The following GPC5 variants were observed in gnomAD, a reference collection of about 807,000 sequenced individuals.
The protein encoded by GPC5 is glypican-5.
In GPC5, 47 loss-of-function variants were observed where a neutral mutation model predicts 53.9. The observed-to-expected ratio is 0.87, with a 90% confidence interval of 0.69 to 1.11. GPC5 has a LOEUF of 1.11. Ranked by LOEUF, GPC5 falls within the 50% of genes most tolerant of loss-of-function variation. GPC5 has a pLI of 0.00. For synonymous variants in GPC5, 286 were observed against 263.3 expected (o/e 1.09, Z -0.84); for missense variants, 748 against 713.1 (o/e 1.05, Z -0.56).
At chr13:91,803,687 T>G (rs1195895261) in intron 5 of GPC5, among the ~76,000 whole-genome samples, 2 of 152,156 alleles carry the variant, frequency 1.3e-5, no homozygotes, top group Non-Finnish European at 2.9e-5. Context: ...AAATTAATTT[T>G]TAAATTAATT....
chr13:92,073,351 A>C (rs1380889548), intron 6 of GPC5, among the ~76,000 whole-genome samples: 13 of 152,200 alleles, frequency 8.5e-5, no homozygotes, highest in African/African-American at 3.1e-4. Flanking sequence ...GAACCCAATA[A>C]GCTTTCTTTT....
chr13:92,683,076 G>A (rs1170413900), intron 7 of GPC5, among the ~76,000 whole-genome samples: 3 of 152,192 alleles, frequency 2.0e-5, no homozygotes, highest in Non-Finnish European at 2.9e-5. Flanking sequence ...GCAGTATTTA[G>A]TGTCTAGACT....
intron 7 of GPC5, among the ~76,000 whole-genome samples, chr13:92,300,495 A>T (rs543068001): frequency 1.3e-5 from 2 of 152,206 alleles, no homozygotes; most frequent in Non-Finnish European, 2.9e-5. Context: ...TTCAGGCACT[A>T]TGCTAACCTA....
rs1483471408 is a variant in GPC5 at position 92,047,048 on chromosome 13, T to A, written c.1402-97782T>A. ...ATTTTTCCTCCCTAGCACAGAGAAT[T>A]CAATTTTCAAATAAGAACACATAGT... On this transcript the variant is annotated intron_variant, in intron 6 of 7. Transcript: ENST00000377067. Among the ~76,000 whole-genome samples the A allele has an allele frequency of 2.0e-5, 3 of 152,140 alleles. No individual in the cohort carries two copies. In the East Asian group the frequency reaches 5.8e-4, roughly 29 times the overall value.
intron 7 of GPC5, among the ~76,000 whole-genome samples, chr13:92,632,675 A>G (rs866965835): frequency 3.9e-5 from 6 of 152,050 alleles, no homozygotes; most frequent in Admixed American, 1.3e-4. Context: ...TTTTTCAAAT[A>G]TATCTGTGAT....
chr13:92,092,020 T>TAG (rs2041385220), intron 6 of GPC5, among the ~76,000 whole-genome samples: 1 of 151,932 alleles, frequency 6.6e-6, no homozygotes, highest in Non-Finnish European at 1.5e-5. Flanking sequence ...TATCTATCTA[T>TAG]CTAGCTAGCT....
At chr13:91,607,775 A>C (rs1035503569) in intron 2 of GPC5, among the ~76,000 whole-genome samples, 5 of 152,216 alleles carry the variant, frequency 3.3e-5, no homozygotes, top group African/African-American at 1.2e-4. Context: ...GGAAATCCAC[A>C]GTTCATGTTC....
chr13:92,444,757 T>C (rs1002709890), intron 7 of GPC5, among the ~76,000 whole-genome samples: 1 of 126,286 alleles, frequency 7.9e-6, no homozygotes, highest in Middle Eastern at 4.5e-3. Flanking sequence ...ACTTAAGGGA[T>C]GGGTAGAGAA....
intron 7 of GPC5, among the ~76,000 whole-genome samples, chr13:92,267,542 G>A (rs1052882663): frequency 2.0e-5 from 3 of 152,018 alleles, no homozygotes; most frequent in Non-Finnish European, 4.4e-5. Context: ...TCATTATACA[G>A]TTTCCAAATC....
chr13:92,764,255 T>C (rs11838810), intron 7 of GPC5, among the ~76,000 whole-genome samples: 31,392 of 152,158 alleles, frequency 0.21, 3,401 homozygotes, highest in Middle Eastern at 0.28. Flanking sequence ...ACTGGCTTAG[T>C]GAAGGCTGGC....
At chr13:92,764,224 C>T (rs1006600944) in intron 7 of GPC5, among the ~76,000 whole-genome samples, 5 of 152,282 alleles carry the variant, frequency 3.3e-5, no homozygotes, top group East Asian at 1.9e-4. Flanking sequence ...ATTGACCTCA[C>T]GAGGTAGGGC....
intron 7 of GPC5, among the ~76,000 whole-genome samples, chr13:92,816,149 C>T (rs578225805): frequency 1.3e-5 from 2 of 152,106 alleles, no homozygotes; most frequent in Admixed American, 1.3e-4. Context: ...AAATTGCTCA[C>T]ATTCAAGAGG....
At chr13:92,203,446 A>T (rs1267347375) in intron 7 of GPC5, among the ~76,000 whole-genome samples, 1 of 122,470 alleles carries the variant, frequency 8.2e-6, no homozygotes, top group African/African-American at 3.2e-5. Context: ...ATGAGATCAC[A>T]TGGACACAGG....
chr13:92,704,239 C>T (rs907949952), intron 7 of GPC5, among the ~76,000 whole-genome samples: 22 of 151,930 alleles, frequency 1.4e-4, no homozygotes, highest in South Asian at 2.1e-4. Flanking sequence ...CTCTCCAATG[C>T]AACAAACATA....
intron 2 of GPC5, among the ~76,000 whole-genome samples, chr13:91,593,683 G>A (rs541447758): frequency 6.6e-6 from 1 of 152,116 alleles, no homozygotes; most frequent in Non-Finnish European, 1.5e-5. Flanking sequence ...TGAGTGTTGA[G>A]AGAAATGATG....
intron 7 of GPC5, among the ~76,000 whole-genome samples, chr13:92,478,747 C>T (rs188978846): frequency 5.3e-4 from 81 of 152,298 alleles, no homozygotes; most frequent in African/African-American, 1.8e-3. Context: ...CATAAAGAGT[C>T]CCACCGCAGG....
intron 6 of GPC5, among the ~76,000 whole-genome samples, chr13:92,131,729 G>A (rs2041745137): frequency 1.3e-5 from 2 of 151,510 alleles, no homozygotes; most frequent in South Asian, 4.2e-4. Context: ...AGGTTTATGG[G>A]GTATTTCTAA....
intron 7 of GPC5, among the ~76,000 whole-genome samples, chr13:92,408,017 T>C (rs1875869102): frequency 6.6e-6 from 1 of 152,218 alleles, no homozygotes; most frequent in East Asian, 1.9e-4. Flanking sequence ...CAAGTGGAAC[T>C]GATCCGTGGC....
chr13:91,655,951 T>C (rs1347145402), intron 2 of GPC5, among the ~76,000 whole-genome samples: 1 of 152,122 alleles, frequency 6.6e-6, no homozygotes, highest in Non-Finnish European at 1.5e-5. Context: ...ACCAGAGCCC[T>C]GAATAAACAG....
Sources: gnomAD v4.1 joint callset for allele counts (sites outside exome capture counted in the v4.1 genomes callset) on GRCh38, gnomAD v4.1.1 for gene constraint, MANE v1.5 for transcripts, NCBI Gene and HGNC (gene_info 2026-07-23, HGNC 2026-07-21) for gene names.